The following ESRRG variants were observed in gnomAD, a reference collection of about 807,000 sequenced individuals.
ESRRG encodes the protein estrogen related receptor gamma.
A neutral mutation model predicts 44.0 loss-of-function variants in ESRRG; 13 were observed. That is an observed-to-expected ratio of 0.30 (90% confidence interval 0.19 to 0.47). The LOEUF is 0.47. ESRRG is among the 20% of genes least tolerant of loss of function. ESRRG has a pLI of 1.00. For missense variants in ESRRG, 395 were observed against 580.6 expected (o/e 0.68, Z 3.29); for synonymous variants, 215 against 214.6 (o/e 1.00, Z -0.02).
intron 2 of ESRRG, among the ~76,000 whole-genome samples, chr1:216,817,390 G>A (rs1186955143): frequency 6.6e-6 from 1 of 152,070 alleles, no homozygotes; most frequent in African/African-American, 2.4e-5. Flanking sequence ...AAATAATAAA[G>A]GTAGAAAAGA....
chr1:216,762,497 T>C (rs903657320), intron 2 of ESRRG, among the ~76,000 whole-genome samples: 26 of 148,116 alleles, frequency 1.8e-4, no homozygotes, highest in South Asian at 1.3e-3. Context: ...TAGGTGGGAA[T>C]TGAACAATGA....
intron 2 of ESRRG, among the ~76,000 whole-genome samples, chr1:216,829,971 A>G (rs1025249202): frequency 6.6e-6 from 1 of 152,176 alleles, no homozygotes; most frequent in Non-Finnish European, 1.5e-5. Context: ...AACTGGTATC[A>G]GCAAAGGCCT....
At chr1:217,026,803 G>A (rs952007908) in intron 1 of ESRRG, among the ~76,000 whole-genome samples, 1 of 151,534 alleles carries the variant, frequency 6.6e-6, no homozygotes, top group African/African-American at 2.4e-5. Context: ...CCCAGTGCAG[G>A]AAAAATTGTG....
At chr1:216,716,858 T>C (rs1213969279) in intron 1 of ESRRG, among the ~76,000 whole-genome samples, 1 of 151,910 alleles carries the variant, frequency 6.6e-6, no homozygotes, top group Non-Finnish European at 1.5e-5. Context: ...ATTGTTAGTG[T>C]TGCGTGGTTT....
chr1:216,519,563 G>T, intron 5 of ESRRG, 142 bp from the exon 6 acceptor site: 2 of 785,568 alleles, frequency 2.5e-6, no homozygotes, highest in South Asian at 2.0e-5. Context: ...ATTTTCCCTG[G>T]ATCACTTTGC....
chr1:216,999,064 A>G (rs2076705873), intron 1 of ESRRG, among the ~76,000 whole-genome samples: 1 of 152,178 alleles, frequency 6.6e-6, no homozygotes, highest in Non-Finnish European at 1.5e-5. Context: ...GTACAATAAT[A>G]TGTCAGAAAA....
At chr1:216,775,612 C>T (rs1399601704) in intron 2 of ESRRG, among the ~76,000 whole-genome samples, 2 of 132,544 alleles carry the variant, frequency 1.5e-5, no homozygotes, top group East Asian at 2.4e-4. Flanking sequence ...CTCACGCTGT[C>T]GCACAGGCTG....
chr1:216,950,965 A>C (rs1253756068), intron 1 of ESRRG, among the ~76,000 whole-genome samples: 3 of 152,202 alleles, frequency 2.0e-5, no homozygotes, highest in Non-Finnish European at 4.4e-5. Context: ...ATATCTTCTA[A>C]TTACAATCCT....
chr1:216,621,084 A>G (rs17670802), intron 3 of ESRRG, among the ~76,000 whole-genome samples: 61,543 of 152,000 alleles, frequency 0.4, 13,414 homozygotes, highest in Middle Eastern at 0.51. Flanking sequence ...AAGCAGCCCC[A>G]GATATGTATC....
At chr1:216,575,843 T>C (rs1478751958) in intron 3 of ESRRG, among the ~76,000 whole-genome samples, 1 of 151,966 alleles carries the variant, frequency 6.6e-6, no homozygotes, top group Non-Finnish European at 1.5e-5. Flanking sequence ...GGGGCACATA[T>C]AAAAGGTAGG....
chr1:216,544,545 T>C (rs1395341225), intron 5 of ESRRG, among the ~76,000 whole-genome samples: 1 of 152,018 alleles, frequency 6.6e-6, no homozygotes, highest in African/African-American at 2.4e-5. Context: ...GCGTTTCATA[T>C]TTTTTCATGC....
intron 2 of ESRRG, among the ~76,000 whole-genome samples, chr1:216,844,168 C>A (rs2095700178): frequency 6.6e-6 from 1 of 150,796 alleles, no homozygotes; most frequent in Non-Finnish European, 1.5e-5. Flanking sequence ...CGGAGGATAG[C>A]ACTTGAAATT....
chr1:217,043,569 A>T (rs2084273528), intron 1 of ESRRG, among the ~76,000 whole-genome samples: 1 of 152,200 alleles, frequency 6.6e-6, no homozygotes, highest in South Asian at 2.1e-4. Context: ...CTTAACCAGA[A>T]TTTTAAATTT....
intron 1 of ESRRG, among the ~76,000 whole-genome samples, chr1:216,986,659 AGAGATT>A (rs111226098): frequency 0.054 from 8,211 of 152,084 alleles, 699 homozygotes; most frequent in African/African-American, 0.18. Flanking sequence ...CCCGAGGGGC[AGAGATT>A]GCAGTGAGCC....
At chr1:216,589,256 C>T (rs1000677755) in intron 3 of ESRRG, among the ~76,000 whole-genome samples, 1 of 152,166 alleles carries the variant, frequency 6.6e-6, no homozygotes, top group Non-Finnish European at 1.5e-5. Context: ...GTAGAACAAG[C>T]TTATCCGACC....
chr1:216,999,671 G>T (rs765258477), intron 1 of ESRRG, among the ~76,000 whole-genome samples: 4 of 152,114 alleles, frequency 2.6e-5, no homozygotes, highest in East Asian at 1.9e-4. Context: ...TCGCTTGTTC[G>T]TTCAGCAAAC....
chr1:217,076,883 C>T (rs1019083267), intron 1 of ESRRG: 2 of 152,094 alleles, frequency 1.3e-5, no homozygotes, highest in Admixed American at 6.6e-5. Flanking sequence ...CACACTTTGC[C>T]CAGAATCACA....
chr1:216,628,628 T>C (rs1293400097), intron 3 of ESRRG, among the ~76,000 whole-genome samples: 1 of 152,150 alleles, frequency 6.6e-6, no homozygotes, highest in Non-Finnish European at 1.5e-5. Context: ...ATTCTGAAAA[T>C]GACAACAAGT....
intron 2 of ESRRG, among the ~76,000 whole-genome samples, chr1:216,905,889 T>G (rs2059626953): frequency 6.6e-6 from 1 of 152,142 alleles, no homozygotes; most frequent in Non-Finnish European, 1.5e-5. Flanking sequence ...TACCTGGGAC[T>G]ACAGGCACAT....
Sources: allele counts gnomAD v4.1 joint callset (sites outside exome capture counted in the v4.1 genomes callset), GRCh38; gene constraint gnomAD v4.1.1; transcripts MANE v1.5; gene names NCBI Gene and HGNC (gene_info 2026-07-23, HGNC 2026-07-21).